The following SYN3 variants were observed in gnomAD, a reference collection of about 807,000 sequenced individuals.
SYN3 encodes synapsin III, also known as synapsin-3.
Under a neutral mutation model 65.8 loss-of-function variants are expected in SYN3, and 35 were observed. The observed-to-expected ratio is 0.53, with a 90% confidence interval of 0.41 to 0.70. The LOEUF is 0.70. Ranked by LOEUF, SYN3 falls within the 30% of genes least tolerant of loss-of-function variation. The pLI is 0.00. For missense variants in SYN3, 680 were observed against 749.0 expected (o/e 0.91, Z 1.08); for synonymous variants, 270 against 292.9 (o/e 0.92, Z 0.80).
At chr22:32,763,378 C>T (rs2045539571) in intron 6 of SYN3, among the ~76,000 whole-genome samples, 1 of 152,100 alleles carries the variant, frequency 6.6e-6, no homozygotes, top group Admixed American at 6.5e-5. Context: ...GTCTTGATCT[C>T]CTGACCTCAT....
chr22:32,610,290 C>G (rs980084470), intron 6 of SYN3, among the ~76,000 whole-genome samples: 3 of 151,768 alleles, frequency 2.0e-5, no homozygotes, highest in Admixed American at 6.6e-5. Flanking sequence ...CCCTGCCCCC[C>G]CCAAAAAAAG....
chr22:32,842,697 C>G (rs1364839740), intron 6 of SYN3, among the ~76,000 whole-genome samples: 1 of 151,996 alleles, frequency 6.6e-6, no homozygotes, highest in Non-Finnish European at 1.5e-5. Flanking sequence ...TTGGGAGAAC[C>G]CTTAGGGAGC....
intron 2 of SYN3, among the ~76,000 whole-genome samples, chr22:33,003,508 G>T (rs2053119326): frequency 6.6e-6 from 1 of 152,282 alleles, no homozygotes; most frequent in South Asian, 2.1e-4. Flanking sequence ...GGGAACTGGA[G>T]TAAAGGTCAC....
chr22:32,715,479 A>G (rs888984687), intron 6 of SYN3, among the ~76,000 whole-genome samples: 6 of 152,160 alleles, frequency 3.9e-5, no homozygotes, highest in African/African-American at 1.2e-4. Flanking sequence ...GCATGCTACC[A>G]TTTTTAAAAA....
At chr22:32,776,645 G>C (rs947110662) in intron 6 of SYN3, among the ~76,000 whole-genome samples, 7 of 152,182 alleles carry the variant, frequency 4.6e-5, no homozygotes. Flanking sequence ...TGTTTCCTGA[G>C]CCAGTCACGC....
At chr22:32,723,247 G>A (rs903551627) in intron 6 of SYN3, among the ~76,000 whole-genome samples, 7 of 152,216 alleles carry the variant, frequency 4.6e-5, no homozygotes, top group South Asian at 2.1e-4. Flanking sequence ...AAGGTAACGT[G>A]AGCATGGGCA....
intron 1 of SYN3, among the ~76,000 whole-genome samples, chr22:33,029,098 C>T (rs192677741): frequency 4.0e-5 from 6 of 151,044 alleles, no homozygotes; most frequent in Admixed American, 2.6e-4. Flanking sequence ...CCAACTCTCA[C>T]GACAACCCTG....
At chr22:32,696,875 A>C (rs1177367376) in intron 6 of SYN3, among the ~76,000 whole-genome samples, 1 of 152,124 alleles carries the variant, frequency 6.6e-6, no homozygotes. Context: ...TGTCTCCAGC[A>C]TTGATTTACC....
In SYN3 at chr22:32,509,820, G is replaced by A. The variant is rs146720849; in HGVS notation, c.*3872C>T. 8.1e-4 allele frequency among the ~76,000 whole-genome samples: 124 copies of A among 152,148 alleles called. No individual in the cohort carries two copies. Among genetic ancestry groups the A allele is most frequent in the Non-Finnish European group, 1.4e-3 (94 of 68,010 alleles). On this transcript the variant is annotated 3_prime_UTR_variant, in exon 14 of 14. Transcript: ENST00000358763. The stretch of plus-strand genomic sequence containing the variant: ...CCTGACCTAGTCATCCGCCCACCTC[G>A]GCCTCCCAAAGTGCTGGGATTACTG...
chr22:32,626,566 G>T (rs1219686453), intron 6 of SYN3, among the ~76,000 whole-genome samples: 4 of 152,190 alleles, frequency 2.6e-5, no homozygotes, highest in Admixed American at 1.3e-4. Context: ...GGCGGGAAAG[G>T]AATGAGCACT....
intron 6 of SYN3, among the ~76,000 whole-genome samples, chr22:32,682,248 C>A (rs1172151342): frequency 6.6e-6 from 1 of 152,184 alleles, no homozygotes; most frequent in Non-Finnish European, 1.5e-5. Flanking sequence ...TCCTACAATG[C>A]ACAAGTCTGC....
At chr22:32,690,619 C>T (rs1266936210) in intron 6 of SYN3, among the ~76,000 whole-genome samples, 3 of 152,154 alleles carry the variant, frequency 2.0e-5, no homozygotes, top group African/African-American at 7.2e-5. Flanking sequence ...CTGCACTGTC[C>T]CCAGCATGTC....
intron 6 of SYN3, among the ~76,000 whole-genome samples, chr22:32,666,828 G>A (rs901926285): frequency 3.7e-4 from 57 of 152,200 alleles, no homozygotes; most frequent in Admixed American, 2.5e-3. Flanking sequence ...CCTGCCTTGC[G>A]GTGGGCTGTG....
At chr22:32,951,476 C>T (rs558697755) in intron 3 of SYN3, among the ~76,000 whole-genome samples, 1 of 152,296 alleles carries the variant, frequency 6.6e-6, no homozygotes, top group East Asian at 1.9e-4. Flanking sequence ...AATGGTCTAC[C>T]TCTCTCACTC....
At position 32,511,625 on chromosome 22, in the gene SYN3, A is replaced by G. The variant is rs1568988409; in HGVS notation, c.*2067T>C. ...AAGGGTGGTGGGCTTTTTGGGCGCTAGAAAGAGTACCAGGCCTTCACCTCT... is the reference window on the plus strand; with the variant it reads ...AAGGGTGGTGGGCTTTTTGGGCGCTGGAAAGAGTACCAGGCCTTCACCTCT... On this transcript the variant is annotated 3_prime_UTR_variant, in exon 14 of 14. Coordinates refer to ENST00000358763, the MANE Select transcript of SYN3 (RefSeq NM_003490.4). Among the ~76,000 whole-genome samples the G allele has an allele frequency of 6.6e-6, 1 of 152,214 alleles. No individual in the cohort carries two copies. The highest frequency in any genetic ancestry group is 1.5e-5 in the Non-Finnish European group (1 of 68,036).
chr22:32,551,776 A>C (rs1481764761), intron 7 of SYN3, among the ~76,000 whole-genome samples: 1 of 152,206 alleles, frequency 6.6e-6, no homozygotes, highest in Non-Finnish European at 1.5e-5. Context: ...TTTATGGGTG[A>C]AATGACTTGA....
intron 6 of SYN3, among the ~76,000 whole-genome samples, chr22:32,799,962 T>C (rs1292999886): frequency 6.6e-6 from 1 of 152,194 alleles, no homozygotes; most frequent in Non-Finnish European, 1.5e-5. Flanking sequence ...CTCTACGAGT[T>C]AGGCCACAGT....
chr22:32,945,132 A>T (rs2051065655), intron 3 of SYN3, among the ~76,000 whole-genome samples: 1 of 152,218 alleles, frequency 6.6e-6, no homozygotes, highest in African/African-American at 2.4e-5. Context: ...CAATTTATGG[A>T]TTCAATGCCA....
At chr22:32,631,012 G>T (rs1193113143) in intron 6 of SYN3, among the ~76,000 whole-genome samples, 2 of 152,156 alleles carry the variant, frequency 1.3e-5, no homozygotes, top group Non-Finnish European at 2.9e-5. Flanking sequence ...ACCTGCAGAG[G>T]GCCGGGTGTG....
Sources: allele counts gnomAD v4.1 joint callset (sites outside exome capture counted in the v4.1 genomes callset), GRCh38; gene constraint gnomAD v4.1.1; transcripts MANE v1.5; gene names NCBI Gene and HGNC (gene_info 2026-07-23, HGNC 2026-07-21).